Variants in FBXW10B observed in about 807,000 individuals in gnomAD.
FBXW10B encodes the protein F-box and WD repeat domain containing protein 10B.
the FBXW10B span, among the ~76,000 whole-genome samples, chr17:15,577,578 T>C: frequency 6.6e-6 from 1 of 152,174 alleles, no homozygotes; most frequent in African/African-American, 2.4e-5. Flanking sequence ...GTCTATCACT[T>C]GTAGCCAATT....
the FBXW10B span, chr17:15,613,974 T>C: frequency 1.9e-6 from 3 of 1,549,292 alleles, 1 homozygote; most frequent in Non-Finnish European, 8.8e-7. Flanking sequence ...ATGTCTGCTT[T>C]TCCAGAAAAC....
the FBXW10B span, among the ~76,000 whole-genome samples, chr17:15,581,619 A>G: frequency 0.37 from 53,394 of 144,578 alleles, 12,203 homozygotes; most frequent in African/African-American, 0.62. Context: ...CTGAAAGTGG[A>G]TGACCTAACC....
At chr17:15,569,597 T>C in the FBXW10B span, among the ~76,000 whole-genome samples, 1 of 151,188 alleles carries the variant, frequency 6.6e-6, no homozygotes, top group Non-Finnish European at 1.5e-5. Context: ...GTAGCTGGAA[T>C]TACAGGTGCC....
At chr17:15,568,813 T>C in the FBXW10B span, 1 of 1,201,962 alleles carries the variant, frequency 8.3e-7, no homozygotes, top group East Asian at 3.2e-5. Flanking sequence ...TCTTTTTCTG[T>C]TATCTCCTTC....
the FBXW10B span, chr17:15,596,397 GT>G: frequency 2.2e-6 from 3 of 1,333,648 alleles, no homozygotes; most frequent in South Asian, 4.5e-5. Context: ...CTTCAGGACT[GT>G]CCTTCTTGAA....
At chr17:15,604,218 G>A in the FBXW10B span, among the ~76,000 whole-genome samples, 1 of 152,036 alleles carries the variant, frequency 6.6e-6, no homozygotes, top group East Asian at 1.9e-4. Context: ...CATCATATAG[G>A]TGAATCTCAA....
At chr17:15,569,455 CTTTTTTTT>C in the FBXW10B span, among the ~76,000 whole-genome samples, 1 of 59,192 alleles carries the variant, frequency 1.7e-5, no homozygotes, top group East Asian at 7.0e-4. Context: ...TTTTCTTTTT[CTTTTTTTT>C]TTTTTTTTTT....
At chr17:15,596,069 G>T in the FBXW10B span, among the ~76,000 whole-genome samples, 5,094 of 151,724 alleles carry the variant, frequency 0.034, 251 homozygotes, top group African/African-American at 0.11. Flanking sequence ...CTTTTTTTTA[G>T]TAGAGACAGG....
the FBXW10B span, among the ~76,000 whole-genome samples, chr17:15,598,264 T>G: frequency 6.6e-6 from 1 of 152,040 alleles, no homozygotes; most frequent in Non-Finnish European, 1.5e-5. Context: ...AAGTTATATC[T>G]AAAGGGCCAT....
chr17:15,612,882 C>A, the FBXW10B span: 1 of 1,588,126 alleles, frequency 6.3e-7, no homozygotes, highest in South Asian at 1.1e-5. Flanking sequence ...TTGGCTCCAA[C>A]TCTGCAGGAG....
chr17:15,593,821 G>A, the FBXW10B span, among the ~76,000 whole-genome samples: 1 of 152,010 alleles, frequency 6.6e-6, no homozygotes, highest in Admixed American at 6.5e-5. Flanking sequence ...TAGAGACGGG[G>A]TTTCACCATG....
At chr17:15,596,673 G>A in the FBXW10B span, 2 of 1,613,178 alleles carry the variant, frequency 1.2e-6, no homozygotes, top group Admixed American at 1.7e-5. Flanking sequence ...CTGAAAAGGA[G>A]GGAGACAGAG....
chr17:15,589,122 C>G, the FBXW10B span: 1 of 1,608,036 alleles, frequency 6.2e-7, no homozygotes, highest in South Asian at 1.1e-5. Context: ...CATGAGCACA[C>G]TCGGTCAAGG....
chr17:15,606,922 A>C, the FBXW10B span, among the ~76,000 whole-genome samples: 3 of 152,208 alleles, frequency 2.0e-5, no homozygotes, highest in Non-Finnish European at 4.4e-5. Flanking sequence ...AACCTTGTGA[A>C]TATAAAGTGA....
At chr17:15,596,428 A>G in the FBXW10B span, 2 of 1,335,866 alleles carry the variant, frequency 1.5e-6, no homozygotes, top group Non-Finnish European at 2.0e-6. Context: ...CAGTTACTCT[A>G]GGATGACCTG....
the FBXW10B span, chr17:15,589,383 T>C: frequency 2.7e-6 from 1 of 372,690 alleles, no homozygotes; most frequent in African/African-American, 2.2e-5. Flanking sequence ...GAAGCTATGA[T>C]GAAAATCACA....
At chr17:15,594,112 T>C in the FBXW10B span, among the ~76,000 whole-genome samples, 1 of 152,328 alleles carries the variant, frequency 6.6e-6, no homozygotes, top group South Asian at 2.1e-4. Flanking sequence ...CTCTTGCAAT[T>C]TGATTCCTAG....
At chr17:15,618,933 G>C in the FBXW10B span, 1 of 1,569,366 alleles carries the variant, frequency 6.4e-7, no homozygotes, top group African/African-American at 1.4e-5. Context: ...TACAACTGCA[G>C]TTCCTTACAG....
chr17:15,603,588 T>C, the FBXW10B span, among the ~76,000 whole-genome samples: 10 of 152,098 alleles, frequency 6.6e-5, no homozygotes, highest in African/African-American at 2.4e-4. Context: ...TTGGTGAGAA[T>C]ATATAAGAAG....
Sources: allele counts gnomAD v4.1 joint callset (sites outside exome capture counted in the v4.1 genomes callset), GRCh38; gene constraint gnomAD v4.1.1; transcripts MANE v1.5; gene names NCBI Gene and HGNC (gene_info 2026-07-23, HGNC 2026-07-21).